Variants in CREB5 observed in about 807,000 individuals in gnomAD.
The protein encoded by CREB5 is cAMP responsive element binding protein 5.
CREB5 carries 19 observed loss-of-function variants against 57.1 expected under a neutral mutation model. That is an observed-to-expected ratio of 0.33 (90% CI 0.23 to 0.49). CREB5 has a LOEUF of 0.49. CREB5 is among the 20% of genes least tolerant of loss of function. The pLI, the probability that CREB5 is intolerant of heterozygous loss-of-function variation, is 0.99. For synonymous variants in CREB5, 238 were observed against 238.3 expected (o/e 1.00, Z 0.01); for missense variants, 579 against 671.6 (o/e 0.86, Z 1.52).
intron 5 of CREB5, among the ~76,000 whole-genome samples, chr7:28,642,965 C>CACACACACACAT (rs1798721541): frequency 1.3e-5 from 1 of 75,660 alleles, no homozygotes; most frequent in Non-Finnish European, 2.7e-5. Context: ...CACACACACA[C>CACACACACACAT]ACACACACAC....
chr7:28,705,065 G>GA (rs1802039283), intron 5 of CREB5, among the ~76,000 whole-genome samples: 2 of 152,128 alleles, frequency 1.3e-5, no homozygotes, highest in East Asian at 1.9e-4. Flanking sequence ...GGAATCTGAA[G>GA]AAAAAAACCA....
intron 7 of CREB5, among the ~76,000 whole-genome samples, chr7:28,770,078 T>A (rs1415833397): frequency 1.3e-5 from 2 of 152,182 alleles, no homozygotes; most frequent in African/African-American, 4.8e-5. Flanking sequence ...TACAACAACT[T>A]CTTCCAACAG....
At chr7:28,801,312 C>A in intron 7 of CREB5, among the ~76,000 whole-genome samples, 1 of 152,044 alleles carries the variant, frequency 6.6e-6, no homozygotes. Context: ...AAAAAGTATA[C>A]TTTTATAGTA....
intron 5 of CREB5, among the ~76,000 whole-genome samples, chr7:28,593,598 G>C (rs1462353082): frequency 6.6e-6 from 1 of 152,220 alleles, no homozygotes; most frequent in African/African-American, 2.4e-5. Context: ...AGAATGGTTG[G>C]TGTGCTCCAT....
At chr7:28,447,066 G>GA (rs1037602774) in intron 1 of CREB5, among the ~76,000 whole-genome samples, 17 of 152,160 alleles carry the variant, frequency 1.1e-4, no homozygotes, top group African/African-American at 4.1e-4. Context: ...TTCTCACCTG[G>GA]AAAGTGGAGA....
At position 28,382,685 on chromosome 7, in the gene CREB5, A is replaced by G. The variant is rs568553121; in HGVS notation, c.-25+83244A>G. Among the ~76,000 whole-genome samples the G allele has an allele frequency of 2.0e-4, 31 of 152,132 alleles. No individual in the cohort carries two copies. The South Asian group carries it at 6.4e-3, about 32-fold the overall frequency. On this transcript the variant is annotated intron_variant, in intron 1 of 9. Coordinates refer to the CREB5 transcript ENST00000396299. ...CGTCAGCCCCGGTTGGTGCTCTCAC[A>G]GTACTCATTTACAATTGCACTTAAA...
At chr7:28,676,535 G>A (rs929880654) in intron 5 of CREB5, among the ~76,000 whole-genome samples, 2 of 152,078 alleles carry the variant, frequency 1.3e-5, no homozygotes, top group African/African-American at 4.8e-5. Context: ...GGATAGACTG[G>A]CCCTTTCTCC....
rs142550779 is a variant in CREB5, at chr7:28,328,790, T to G, written c.-25+29349T>G. On this transcript the variant is annotated intron_variant, in intron 1 of 9. Coordinates refer to the CREB5 transcript ENST00000396299. ...TGTGCTTAGGATGGGGCTCAGGAAC[T>G]GAAAATATTCACAAGCGGCTGGCAA... Among the ~76,000 whole-genome samples, 112 of 152,328 alleles carry G rather than the reference T, an allele frequency of 7.4e-4. 1 individual carries two copies. The highest frequency in any genetic ancestry group is 2.6e-3 in the African/African-American group (109 of 41,580).
chr7:28,442,396 C>G (rs138018471), intron 1 of CREB5, among the ~76,000 whole-genome samples: 1,872 of 152,236 alleles, frequency 0.012, 34 homozygotes, highest in Middle Eastern at 0.065. Flanking sequence ...AGTGCTGCAG[C>G]AAACATGGGG....
intron 1 of CREB5, among the ~76,000 whole-genome samples, chr7:28,330,874 C>T (rs1731096926): frequency 6.6e-6 from 1 of 152,172 alleles, no homozygotes; most frequent in Non-Finnish European, 1.5e-5. Context: ...ATTGGTGCGT[C>T]ATGTGCTTGT....
At chr7:28,690,058 C>T (rs183947734) in intron 5 of CREB5, among the ~76,000 whole-genome samples, 30 of 152,236 alleles carry the variant, frequency 2.0e-4, no homozygotes, top group African/African-American at 5.5e-4. Flanking sequence ...AACAAACTTT[C>T]CATCACCATC....
At position 28,446,857 on chromosome 7, in the gene CREB5, C is replaced by T. The variant is rs73297167; in HGVS notation, c.3+33940C>T. Among the ~76,000 whole-genome samples, 506 of 152,212 alleles carry T rather than the reference C, an allele frequency of 3.3e-3. 3 individuals carry two copies. The highest frequency in any genetic ancestry group is 0.012 in the African/African-American group (487 of 41,530). On this transcript the variant is annotated intron_variant, in intron 1 of 10. Transcript: ENST00000357727. ...CTTACCCACTTTATACAGGTGGTGT[C>T]GGTGTTAAAGTCATTTATTGAGAGC...
intron 1 of CREB5, among the ~76,000 whole-genome samples, chr7:28,372,402 G>A (rs1583404609): frequency 6.6e-6 from 1 of 152,152 alleles, no homozygotes; most frequent in East Asian, 1.9e-4. Flanking sequence ...GAGACAAAGA[G>A]TCCAAAATAG....
intron 4 of CREB5, among the ~76,000 whole-genome samples, chr7:28,528,554 A>G (rs535740850): frequency 6.6e-6 from 1 of 152,164 alleles, no homozygotes; most frequent in Admixed American, 6.5e-5. Context: ...AAAACACAAA[A>G]TTAGCCAAGT....
intron 4 of CREB5, among the ~76,000 whole-genome samples, chr7:28,524,971 T>TC (rs1793382643): frequency 6.6e-6 from 1 of 152,046 alleles, no homozygotes; most frequent in South Asian, 2.1e-4. Context: ...CCCTCTTCAT[T>TC]CCCCGAACCC....
intron 1 of CREB5, among the ~76,000 whole-genome samples, chr7:28,443,533 G>A (rs1347169465): frequency 6.6e-6 from 1 of 152,206 alleles, no homozygotes; most frequent in African/African-American, 2.4e-5. Flanking sequence ...ATAGAGGACT[G>A]TCTCCCAACA....
chr7:28,563,597 C>T (rs1033479314), intron 4 of CREB5, among the ~76,000 whole-genome samples: 3 of 152,210 alleles, frequency 2.0e-5, no homozygotes, highest in Admixed American at 1.3e-4. Context: ...GCAATCACGG[C>T]TCACTGCAGC....
chr7:28,552,004 C>CTCTCTCTTTTCTCTCTCTCTT (rs1554342349), intron 4 of CREB5, among the ~76,000 whole-genome samples: 5 of 143,886 alleles, frequency 3.5e-5, no homozygotes, highest in African/African-American at 1.4e-4. Flanking sequence ...TTTTCTCTCT[C>CTCTCTCTTTTCTCTCTCTCTT]TCTCTCTTTT....
At chr7:28,472,099 A>G (rs1790842172) in intron 1 of CREB5, among the ~76,000 whole-genome samples, 1 of 151,832 alleles carries the variant, frequency 6.6e-6, no homozygotes, top group South Asian at 2.1e-4. Flanking sequence ...TTCCATCCCA[A>G]CAAAAACAGT....
Sources: allele counts gnomAD v4.1 joint callset (sites outside exome capture counted in the v4.1 genomes callset), GRCh38; gene constraint gnomAD v4.1.1; transcripts MANE v1.5; gene names NCBI Gene and HGNC (gene_info 2026-07-23, HGNC 2026-07-21).